The following AUTS2 variants were observed in gnomAD, a reference collection of about 807,000 sequenced individuals.
The protein encoded by AUTS2 is autism susceptibility gene 2 protein.
A neutral mutation model predicts 112.4 loss-of-function variants in AUTS2; 17 were observed. The observed-to-expected ratio is 0.15, with a 90% CI of 0.10 to 0.23. The LOEUF (loss-of-function observed/expected upper bound fraction) is 0.23. AUTS2 is among the 10% of genes least tolerant of loss of function. The probability of loss-of-function intolerance (pLI) is 1.00; values close to 1 mark genes in which losing one functional copy is unlikely to be tolerated. For missense variants in AUTS2, 1,510 were observed against 1,701.6 expected (o/e 0.89, Z 1.98); for synonymous variants, 751 against 702.7 (o/e 1.07, Z -1.09).
At chr7:69,613,328 A>G (rs182971304) in intron 1 of AUTS2, among the ~76,000 whole-genome samples, 9 of 152,326 alleles carry the variant, frequency 5.9e-5, no homozygotes, top group African/African-American at 2.2e-4. Flanking sequence ...CTTATTGTCC[A>G]GGTCTTTATT....
At chr7:70,601,354 G>A (rs979915163) in intron 5 of AUTS2, among the ~76,000 whole-genome samples, 2 of 152,110 alleles carry the variant, frequency 1.3e-5, no homozygotes, top group African/African-American at 4.8e-5. Context: ...CCTTCTTAGG[G>A]CAGCTCTTTT....
chr7:70,077,809 G>A (rs1322741386), intron 2 of AUTS2, among the ~76,000 whole-genome samples: 2 of 152,014 alleles, frequency 1.3e-5, no homozygotes, highest in Non-Finnish European at 2.9e-5. Context: ...GCAATACATC[G>A]CTCCCTTTCT....
At position 69,934,663 on chromosome 7, in the gene AUTS2, G is replaced by A. The variant is rs901262085; in HGVS notation, c.522+35165G>A. On this transcript the variant is annotated intron_variant, in intron 2 of 18. Transcript: ENST00000342771. Reference sequence around the variant, plus strand: ...AGCAAACACTGTGTGTGTTTGGCATGGTGCCTGCTGTGTAGTAGAGGAAGA... The same window carrying A: ...AGCAAACACTGTGTGTGTTTGGCATAGTGCCTGCTGTGTAGTAGAGGAAGA... Among the ~76,000 whole-genome samples the A allele has an allele frequency of 6.6e-5, 10 of 152,148 alleles. 1 individual carries two copies. The highest frequency in any genetic ancestry group is 5.9e-4 in the Admixed American group (9 of 15,282).
intron 4 of AUTS2, among the ~76,000 whole-genome samples, chr7:70,377,325 A>ATATAT (rs1793136070): frequency 1.9e-5 from 1 of 52,060 alleles, no homozygotes; most frequent in Non-Finnish European, 3.7e-5. Context: ...AACAAATATA[A>ATATAT]ATATATATAT....
chr7:69,945,937 A>G (rs1562986584), intron 2 of AUTS2, among the ~76,000 whole-genome samples: 1 of 152,108 alleles, frequency 6.6e-6, no homozygotes, highest in Non-Finnish European at 1.5e-5. Context: ...CCTGGGCTCA[A>G]GCAATCTTCC....
intron 5 of AUTS2, among the ~76,000 whole-genome samples, chr7:70,591,173 A>G (rs1347702779): frequency 1.0e-5 from 1 of 97,698 alleles, no homozygotes. Flanking sequence ...ACCTGCCCCC[A>G]CCCCAGATGG....
At chr7:70,333,187 C>T (rs533488938) in intron 4 of AUTS2, among the ~76,000 whole-genome samples, 14 of 152,152 alleles carry the variant, frequency 9.2e-5, no homozygotes, top group African/African-American at 2.6e-4. Context: ...GACATTTATG[C>T]GGCCAAGAAA....
At chr7:70,288,060 A>G (rs573585732) in intron 4 of AUTS2, among the ~76,000 whole-genome samples, 5 of 152,268 alleles carry the variant, frequency 3.3e-5, no homozygotes, top group African/African-American at 1.2e-4. Flanking sequence ...CATGGGGGAA[A>G]AAAACTAAAG....
chr7:70,273,387 AATAATTTTT>A (rs1251303622), intron 4 of AUTS2, among the ~76,000 whole-genome samples: 135 of 152,286 alleles, frequency 8.9e-4, no homozygotes, highest in Non-Finnish European at 5.7e-4. Context: ...TTGGGACCAC[AATAATTTTT>A]TTTCCAACCC....
At chr7:69,743,487 T>A (rs779300191) in intron 1 of AUTS2, among the ~76,000 whole-genome samples, 5 of 152,190 alleles carry the variant, frequency 3.3e-5, no homozygotes, top group Non-Finnish European at 7.4e-5. Flanking sequence ...GGGACATGTA[T>A]TTTTTTCAAC....
intron 2 of AUTS2, among the ~76,000 whole-genome samples, chr7:70,086,133 T>C (rs1803585652): frequency 6.6e-6 from 1 of 152,218 alleles, no homozygotes; most frequent in Admixed American, 6.5e-5. Flanking sequence ...AAAGTTGTTT[T>C]GGCTATTCTT....
At chr7:70,714,895 TATTC>T (rs1460207722) in intron 6 of AUTS2, among the ~76,000 whole-genome samples, 6 of 152,210 alleles carry the variant, frequency 3.9e-5, no homozygotes, top group Non-Finnish European at 8.8e-5. Context: ...ATGTCAAAAT[TATTC>T]AGTAAGTTTA....
intron 3 of AUTS2, among the ~76,000 whole-genome samples, chr7:70,125,557 C>A (rs532206916): frequency 6.6e-6 from 1 of 152,202 alleles, no homozygotes; most frequent in East Asian, 1.9e-4. Context: ...TAGAGGGGAA[C>A]CTTCTGCAGC....
intron 5 of AUTS2, among the ~76,000 whole-genome samples, chr7:70,579,658 C>G (rs1195765596): frequency 6.6e-6 from 1 of 152,146 alleles, no homozygotes. Flanking sequence ...AGCTTTCCTT[C>G]CAGTGGTTTG....
chr7:70,016,678 T>C (rs1302153914), intron 2 of AUTS2, among the ~76,000 whole-genome samples: 1 of 152,016 alleles, frequency 6.6e-6, no homozygotes, highest in African/African-American at 2.4e-5. Context: ...ATTTTTTTTT[T>C]TTTTTTTGAA....
chr7:70,070,416 A>AAAAG, intron 2 of AUTS2, among the ~76,000 whole-genome samples: 1 of 151,618 alleles, frequency 6.6e-6, no homozygotes, highest in East Asian at 1.9e-4. Context: ...CTTAAAAAAA[A>AAAAG]AAAAAAAAAA....
Position 70,702,983 on chromosome 7 carries a change from G to C in AUTS2, c.742+4363G>C, listed in dbSNP as rs1440647738. Among the ~76,000 whole-genome samples, 3 of 152,166 alleles carry C rather than the reference G, an allele frequency of 2.0e-5. No homozygotes were observed. In the East Asian group the frequency reaches 5.8e-4, roughly 29 times the overall value. The stretch of plus-strand genomic sequence containing the variant: ...TATGGTTCTATCAGCATTGTAGAAA[G>C]AAGACCTAGCTTAAAAATTGCCTGA... On this transcript the variant is annotated intron_variant, in intron 6 of 18. Coordinates refer to ENST00000342771, the MANE Select transcript of AUTS2 (RefSeq NM_015570.4).
intron 2 of AUTS2, among the ~76,000 whole-genome samples, chr7:70,069,492 A>G (rs775174912): frequency 6.6e-6 from 1 of 152,198 alleles, no homozygotes; most frequent in African/African-American, 2.4e-5. Context: ...TCATGTTTCT[A>G]ATAAATGTCT....
At position 69,599,475 on chromosome 7, in the gene AUTS2, T is replaced by G; in HGVS notation, c.-179T>G. On this transcript the variant is annotated 5_prime_UTR_variant, in exon 1 of 19. Transcript: ENST00000342771. This position sits in a 1 kb window ranked among gnomAD's most constrained non-coding sequence, Gnocchi z 7.0. ...CCCCTCTCTCCGCCCCTTCCCCCTT[T>G]TCTTTCTCCTCTCTTTCTTCCCCTC... 1 of 497,306 alleles carries G rather than the reference T, an allele frequency of 2.0e-6. No individual in the cohort carries two copies. Among genetic ancestry groups the G allele is most frequent in the Non-Finnish European group, 3.1e-6 (1 of 325,132 alleles). The allele number at this position is 497,306 out of a possible 1,614,324, so 30.8% of individuals were successfully genotyped here. A position where few individuals can be genotyped will look rare whatever the true frequency, so the allele number is the denominator to read the frequency against.
Sources: gnomAD v4.1 joint callset for allele counts (sites outside exome capture counted in the v4.1 genomes callset) on GRCh38, gnomAD v4.1.1 for gene constraint, Gnocchi (gnomAD v3.1) non-coding constraint, MANE v1.5 for transcripts, NCBI Gene and HGNC (gene_info 2026-07-23, HGNC 2026-07-21) for gene names.